CAMK1D: variants seen among roughly 807,000 people sequenced by gnomAD.
The protein encoded by CAMK1D is calcium/calmodulin-dependent protein kinase type 1D.
CAMK1D carries 9 observed loss-of-function variants against 47.7 expected under a neutral mutation model. That is an observed-to-expected ratio of 0.19 (90% CI 0.11 to 0.33). The LOEUF (loss-of-function observed/expected upper bound fraction) is 0.33. Ranked by LOEUF, CAMK1D falls within the 10% of genes least tolerant of loss-of-function variation. CAMK1D has a pLI of 1.00. For missense variants in CAMK1D, 291 were observed against 488.7 expected, an observed-to-expected ratio of 0.60 and a Z score of 3.81; for synonymous variants, 184 against 184.9, an observed-to-expected ratio of 0.99 and a Z score of 0.04.
rs532184653 is a variant in CAMK1D, at chr10:12,734,814, C to A, written c.300-26134C>A. On this transcript the variant is annotated intron_variant, in intron 3 of 10. Transcript: ENST00000619168. ...TCTTTGTTGTCTGCATCCTTTCAAG[C>A]TGCCTTTCAGGCCTGCTGTTTGCAA... 3.9e-4 allele frequency among the ~76,000 whole-genome samples: 59 copies of A among 152,262 alleles called. 1 individual carries two copies. Among genetic ancestry groups the A allele is most frequent in the African/African-American group, 1.3e-3 (56 of 41,552 alleles).
intron 5 of CAMK1D, among the ~76,000 whole-genome samples, chr10:12,779,766 T>C (rs906176426): frequency 6.6e-6 from 1 of 151,710 alleles, no homozygotes; most frequent in African/African-American, 2.4e-5. Flanking sequence ...CAGTGACAGT[T>C]CATCACCTAG....
At chr10:12,427,700 G>GTTTTTTTTGTTTTTT (rs1840285327) in intron 1 of CAMK1D, among the ~76,000 whole-genome samples, 2 of 31,032 alleles carry the variant, frequency 6.4e-5, no homozygotes, top group African/African-American at 2.1e-4. Context: ...TGAACTTACT[G>GTTTTTTTTGTTTTTT]TTTTTTTTTT....
intron 1 of CAMK1D, among the ~76,000 whole-genome samples, chr10:12,452,085 G>T (rs1833100049): frequency 6.6e-6 from 1 of 152,218 alleles, no homozygotes; most frequent in Non-Finnish European, 1.5e-5. Flanking sequence ...GAGCAGGCGA[G>T]TCAGGTGGGC....
intron 2 of CAMK1D, among the ~76,000 whole-genome samples, chr10:12,615,878 GTGTA>G (rs967416580): frequency 2.7e-5 from 4 of 149,974 alleles, no homozygotes; most frequent in African/African-American, 7.4e-5. Flanking sequence ...ATGTGTATAA[GTGTA>G]TGCATAAGTG....
At chr10:12,423,077 C>A (rs1274032328) in intron 1 of CAMK1D, among the ~76,000 whole-genome samples, 2 of 152,008 alleles carry the variant, frequency 1.3e-5, no homozygotes, top group Admixed American at 1.3e-4. Flanking sequence ...AGAAAGCACG[C>A]GATGTTTTTA....
At chr10:12,638,930 A>T (rs968858908) in intron 2 of CAMK1D, among the ~76,000 whole-genome samples, 2 of 152,142 alleles carry the variant, frequency 1.3e-5, no homozygotes, top group Non-Finnish European at 2.9e-5. Flanking sequence ...TCCTTGTCAC[A>T]GTCAGCGGTG....
intron 1 of CAMK1D, among the ~76,000 whole-genome samples, chr10:12,359,800 G>A (rs1384054462): frequency 1.3e-5 from 2 of 152,104 alleles, no homozygotes; most frequent in Admixed American, 6.5e-5. Flanking sequence ...AAACCTATAG[G>A]TACTGAATTT....
intron 3 of CAMK1D, among the ~76,000 whole-genome samples, chr10:12,718,808 C>T (rs568213934): frequency 6.6e-6 from 1 of 152,200 alleles, no homozygotes; most frequent in Non-Finnish European, 1.5e-5. Context: ...TTTCTCTCTA[C>T]TAACCATTTT....
intron 1 of CAMK1D, among the ~76,000 whole-genome samples, chr10:12,430,327 A>G (rs996304929): frequency 1.3e-5 from 2 of 152,112 alleles, no homozygotes; most frequent in Non-Finnish European, 2.9e-5. Flanking sequence ...ACAGCCCCAC[A>G]AGGCACTGAC....
Position 12,801,354 on chromosome 10 carries a change from T to TATCTATCTATCTTATCTATCTATC in CAMK1D, c.641+10121_641+10122insATCTATCTATCTTATCTATCTATC, listed in dbSNP as rs57429397. Among the ~76,000 whole-genome samples the TATCTATCTATCTTATCTATCTATC allele has an allele frequency of 1.9e-3, 129 of 66,510 alleles. 1 individual carries two copies. Among genetic ancestry groups the TATCTATCTATCTTATCTATCTATC allele is most frequent in the East Asian group, 5.0e-3 (10 of 1,996 alleles). 43.6% of individuals were successfully genotyped at this position (66,510 alleles called of 152,430 possible). A position where few individuals can be genotyped will look rare whatever the true frequency, so the allele number is the denominator to read the frequency against. ...CTATCTATCTATCTATCTATCTATC[T>TATCTATCTATCTTATCTATCTATC]TATCTATCTATCTATCTATCTATCT... On this transcript the variant is annotated intron_variant, in intron 6 of 10. Coordinates refer to ENST00000619168, the MANE Select transcript of CAMK1D (RefSeq NM_153498.4).
intron 3 of CAMK1D, among the ~76,000 whole-genome samples, chr10:12,668,553 C>A (rs1379821555): frequency 6.6e-6 from 1 of 152,138 alleles, no homozygotes; most frequent in East Asian, 1.9e-4. Context: ...ATAATATTTT[C>A]ATTAGAGGAT....
At chr10:12,806,274 A>C (rs1449057385) in intron 6 of CAMK1D, among the ~76,000 whole-genome samples, 1 of 152,176 alleles carries the variant, frequency 6.6e-6, no homozygotes, top group African/African-American at 2.4e-5. Flanking sequence ...TGTAAATGGC[A>C]TGAGAATAGG....
At chr10:12,694,677 T>C (rs11257938) in intron 3 of CAMK1D, among the ~76,000 whole-genome samples, 128,517 of 146,804 alleles carry the variant, frequency 0.88, 56,544 homozygotes, top group Middle Eastern at 0.93. Flanking sequence ...GATGTAAGAT[T>C]GAAAGACTCC....
intron 3 of CAMK1D, among the ~76,000 whole-genome samples, chr10:12,685,974 A>G (rs112800452): frequency 2.0e-5 from 3 of 152,290 alleles, no homozygotes; most frequent in African/African-American, 4.8e-5. Flanking sequence ...CCCCTCTGCT[A>G]TGGCCCAGAG....
intron 1 of CAMK1D, among the ~76,000 whole-genome samples, chr10:12,476,952 C>T (rs1221228053): frequency 6.6e-6 from 1 of 152,168 alleles, no homozygotes; most frequent in Non-Finnish European, 1.5e-5. Flanking sequence ...AATGAGTTTA[C>T]TGGCAGGTAA....
chr10:12,563,692 AGAGAGAGGGAGAGAGAGG>A (rs1454958604), intron 2 of CAMK1D, among the ~76,000 whole-genome samples: 1 of 63,894 alleles, frequency 1.6e-5, no homozygotes, highest in South Asian at 3.2e-4. Context: ...AGAGAGAGAG[AGAGAGAGGGAGAGAGAGG>A]GAGAGAGAGA....
chr10:12,783,975 ACT>A (rs1225876202), intron 5 of CAMK1D, among the ~76,000 whole-genome samples: 1 of 152,084 alleles, frequency 6.6e-6, no homozygotes, highest in African/African-American at 2.4e-5. Flanking sequence ...CTCCTTGGAC[ACT>A]CTGGTGAGGC....
At chr10:12,508,315 G>T (rs1242492310) in intron 1 of CAMK1D, among the ~76,000 whole-genome samples, 1 of 152,248 alleles carries the variant, frequency 6.6e-6, no homozygotes, top group Non-Finnish European at 1.5e-5. Context: ...GGAATATTAT[G>T]CAACCTTACA....
chr10:12,827,667 T>A (rs1426522719), intron 10 of CAMK1D, among the ~76,000 whole-genome samples: 1 of 85,360 alleles, frequency 1.2e-5, no homozygotes, highest in Non-Finnish European at 2.2e-5. Context: ...CCTCTCTCCC[T>A]TCTCCCCTCT....
Sources: gnomAD v4.1 joint callset for allele counts (sites outside exome capture counted in the v4.1 genomes callset) on GRCh38, gnomAD v4.1.1 for gene constraint, MANE v1.5 for transcripts, NCBI Gene and HGNC (gene_info 2026-07-23, HGNC 2026-07-21) for gene names.